The following TMEM255B variants were observed in gnomAD, a reference collection of about 807,000 sequenced individuals.
The protein encoded by TMEM255B is transmembrane protein 255B.
In TMEM255B, 35 loss-of-function variants were observed where a neutral mutation model predicts 34.5. That is an observed-to-expected ratio of 1.01 (90% confidence interval 0.77 to 1.34). The LOEUF (loss-of-function observed/expected upper bound fraction) is 1.34, where lower values mean the gene tolerates loss of function less well. TMEM255B is among the 40% of genes most tolerant of loss of function. TMEM255B has a pLI of 0.00. For missense variants in TMEM255B, 432 were observed against 433.2 expected, an observed-to-expected ratio of 1.00 and a Z score of 0.02; for synonymous variants, 206 against 201.2, an observed-to-expected ratio of 1.02 and a Z score of -0.20.
intron 3 of TMEM255B, among the ~76,000 whole-genome samples, chr13:113,783,783 G>A (rs951942795): frequency 3.9e-5 from 6 of 152,080 alleles, no homozygotes; most frequent in East Asian, 3.9e-4. Flanking sequence ...GGGTTTGGTC[G>A]GGTGAGGAGC....
At chr13:113,776,287 C>T (rs1222659459) in intron 3 of TMEM255B, among the ~76,000 whole-genome samples, 2 of 152,230 alleles carry the variant, frequency 1.3e-5, no homozygotes, top group Non-Finnish European at 2.9e-5. Flanking sequence ...GCATCTGCCA[C>T]GGAAACTAGG....
intron 8 of TMEM255B, among the ~76,000 whole-genome samples, chr13:113,807,215 T>C (rs1594169381): frequency 6.6e-6 from 1 of 152,152 alleles, no homozygotes; most frequent in African/African-American, 2.4e-5. Flanking sequence ...CTCAGGCAGG[T>C]GTGTCCTCCC....
intron 8 of TMEM255B, among the ~76,000 whole-genome samples, chr13:113,807,027 A>G (rs2051185919): frequency 6.6e-6 from 1 of 152,104 alleles, no homozygotes; most frequent in Non-Finnish European, 1.5e-5. Flanking sequence ...GAGAGACAAC[A>G]CGTGGTTCCA....
At chr13:113,809,389 T>A (rs1200575414) in intron 8 of TMEM255B, among the ~76,000 whole-genome samples, 2 of 124,754 alleles carry the variant, frequency 1.6e-5, no homozygotes, top group Non-Finnish European at 3.3e-5. Context: ...CCTGGGAGTT[T>A]ACTCTGTGGT....
chr13:113,773,058 T>G (rs1288303531), intron 3 of TMEM255B, among the ~76,000 whole-genome samples: 1 of 152,214 alleles, frequency 6.6e-6, no homozygotes, highest in Non-Finnish European at 1.5e-5. Context: ...TATTTAGACC[T>G]TCTTTAGTTT....
chr13:113,760,239 C>A (rs1354145638), intron 1 of TMEM255B, among the ~76,000 whole-genome samples: 2 of 152,142 alleles, frequency 1.3e-5, no homozygotes, highest in African/African-American at 4.8e-5. Context: ...TTAAAATAAT[C>A]AAATAATTTG....
Position 113,775,224 on chromosome 13 carries a change from A to G in TMEM255B, c.252+6064A>G, listed in dbSNP as rs575158922. ...CACATACTACAACACCACACACACC[A>G]CACATACTATACACACCACACACAG... On this transcript the variant is annotated intron_variant, in intron 3 of 8. Transcript: ENST00000375353. Among the ~76,000 whole-genome samples, 10 of 151,822 alleles carry G rather than the reference A, an allele frequency of 6.6e-5. No individual in the cohort carries two copies. In the South Asian group the frequency reaches 2.1e-3, roughly 32 times the overall value.
intron 3 of TMEM255B, among the ~76,000 whole-genome samples, chr13:113,780,685 G>A (rs2050653360): frequency 6.6e-6 from 1 of 152,118 alleles, no homozygotes; most frequent in Non-Finnish European, 1.5e-5. Context: ...TGATGTCACA[G>A]TCTTCAAAGT....
chr13:113,805,871 G>A (rs942974912), intron 8 of TMEM255B, among the ~76,000 whole-genome samples: 1 of 152,218 alleles, frequency 6.6e-6, no homozygotes, highest in Non-Finnish European at 1.5e-5. Context: ...CTGCCCACAT[G>A]CCCGGCTGAC....
intron 8 of TMEM255B, among the ~76,000 whole-genome samples, chr13:113,807,361 C>T (rs545901829): frequency 3.1e-4 from 43 of 138,440 alleles, no homozygotes; most frequent in African/African-American, 1.1e-3. Flanking sequence ...CCCCGTCACA[C>T]GAGGGCTTAC....
chr13:113,795,165 G>GT lies in TMEM255B; in HGVS notation c.273dup (p.Ile92TyrfsTer24). On this transcript the variant is annotated frameshift_variant, in exon 4 of 9. Coordinates refer to ENST00000375353, the MANE Select transcript of TMEM255B (RefSeq NM_182614.4). LOFTEE classifies it high-confidence loss of function. The stretch of plus-strand genomic sequence containing the variant: ...TGTTGCAGCTGGTGGCAGCGATCGT[G>GT]TTTATCAGTTTTGGCGTGGTGGCCG... The GT allele has an allele frequency of 6.2e-7, 1 of 1,614,006 alleles. No homozygotes were observed. The highest frequency in any genetic ancestry group is 8.5e-7 in the Non-Finnish European group (1 of 1,179,982).
At chr13:113,765,055 C>T (rs1566718758) in intron 1 of TMEM255B, among the ~76,000 whole-genome samples, 1 of 152,156 alleles carries the variant, frequency 6.6e-6, no homozygotes, top group Non-Finnish European at 1.5e-5. Flanking sequence ...GATCTGGTCC[C>T]CTCCAAGGTG....
At chr13:113,786,330 TC>T (rs2050740126) in intron 3 of TMEM255B, among the ~76,000 whole-genome samples, 2 of 151,336 alleles carry the variant, frequency 1.3e-5, no homozygotes, top group Admixed American at 6.6e-5. Context: ...GTCATCACCA[TC>T]CCCATCACCA....
intron 3 of TMEM255B, among the ~76,000 whole-genome samples, chr13:113,783,095 G>A (rs1292227942): frequency 1.3e-5 from 2 of 152,108 alleles, no homozygotes; most frequent in Non-Finnish European, 2.9e-5. Context: ...ATTGGAGGGG[G>A]AGAAAAGTTT....
intron 4 of TMEM255B, among the ~76,000 whole-genome samples, 153 bp from the exon 5 acceptor site, chr13:113,799,186 C>A (rs898019151): frequency 2.6e-5 from 4 of 152,218 alleles, no homozygotes; most frequent in African/African-American, 9.6e-5. Flanking sequence ...CGTGGAGTCT[C>A]CCATCTTGTG....
At chr13:113,798,680 T>C (rs2050987050) in intron 4 of TMEM255B, among the ~76,000 whole-genome samples, 2 of 147,682 alleles carry the variant, frequency 1.4e-5, no homozygotes, top group Admixed American at 6.7e-5. Context: ...GGATGGATGA[T>C]GGGTGGATGG....
chr13:113,766,972 C>A (rs1400772939), intron 2 of TMEM255B, among the ~76,000 whole-genome samples: 1 of 152,188 alleles, frequency 6.6e-6, no homozygotes, highest in African/African-American at 2.4e-5. Context: ...TCCTAAGTGC[C>A]TGCATTCTGC....
At chr13:113,759,377 G>A in intron 1 of TMEM255B, 62 bp downstream of exon 1, 2 of 1,218,928 alleles carry the variant, frequency 1.6e-6, no homozygotes, top group Middle Eastern at 3.0e-4. Flanking sequence ...CCCCGGGGCT[G>A]GGACTACAGG....
intron 1 of TMEM255B, among the ~76,000 whole-genome samples, chr13:113,764,837 G>C (rs1184868787): frequency 6.6e-6 from 1 of 152,192 alleles, no homozygotes; most frequent in African/African-American, 2.4e-5. Flanking sequence ...GGAGACAGCA[G>C]GTACAAAGGC....
Sources: gnomAD v4.1 joint callset for allele counts (sites outside exome capture counted in the v4.1 genomes callset) on GRCh38, gnomAD v4.1.1 for gene constraint, MANE v1.5 for transcripts, NCBI Gene and HGNC (gene_info 2026-07-23, HGNC 2026-07-21) for gene names.